Variants in DNER observed in about 807,000 individuals in gnomAD.
DNER encodes delta and Notch-like epidermal growth factor-related receptor.
DNER carries 33 observed loss-of-function variants against 78.2 expected under a neutral mutation model. The observed-to-expected ratio is 0.42, with a 90% CI of 0.32 to 0.56. The LOEUF is 0.56. DNER is among the 20% of genes least tolerant of loss of function. DNER has a pLI of 0.11. For synonymous variants in DNER, 417 were observed against 384.8 expected, an observed-to-expected ratio of 1.08 and a Z score of -0.98; for missense variants, 918 against 975.3, an observed-to-expected ratio of 0.94 and a Z score of 0.78.
intron 4 of DNER, among the ~76,000 whole-genome samples, chr2:229,581,237 T>C (rs1697391302): frequency 6.6e-6 from 1 of 152,124 alleles, no homozygotes; most frequent in Admixed American, 6.5e-5. Flanking sequence ...AACAGCAAGT[T>C]TAAAGATACA....
At chr2:229,488,278 G>A (rs966365038) in intron 6 of DNER, among the ~76,000 whole-genome samples, 6 of 152,350 alleles carry the variant, frequency 3.9e-5, no homozygotes, top group South Asian at 4.1e-4. Flanking sequence ...ATGGCTTACC[G>A]ATTCTGTGCC....
rs142506137 is a variant in DNER at position 229,458,032 on chromosome 2, C to T, written c.1262-10492G>A. ...GCACCTGTAATCCCAGCTACTGGGGCGGCTAAGGCAGGAGAATCGCTTAAA... is the reference window on the plus strand; with the variant it reads ...GCACCTGTAATCCCAGCTACTGGGGTGGCTAAGGCAGGAGAATCGCTTAAA... On this transcript the variant is annotated intron_variant, in intron 7 of 12. Coordinates refer to ENST00000341772, the MANE Select transcript of DNER (RefSeq NM_139072.4). Among the ~76,000 whole-genome samples the T allele has an allele frequency of 3.0e-3, 420 of 141,260 alleles. 10 individuals carry two copies. The East Asian group carries it at 0.063, about 21-fold the overall frequency. The allele number at this position is 141,260 out of a possible 152,430, so 92.7% of individuals were successfully genotyped here.
At chr2:229,458,420 C>G (rs1030468387) in intron 7 of DNER, among the ~76,000 whole-genome samples, 1 of 151,758 alleles carries the variant, frequency 6.6e-6, no homozygotes, top group Non-Finnish European at 1.5e-5. Context: ...AGAGAAGAAG[C>G]CCTTTCTTAG....
intron 10 of DNER, among the ~76,000 whole-genome samples, chr2:229,396,628 G>C (rs905995973): frequency 6.6e-6 from 1 of 152,208 alleles, no homozygotes; most frequent in Non-Finnish European, 1.5e-5. Context: ...AACTCTGGGG[G>C]AGATGGTTCA....
At chr2:229,408,440 C>T (rs1693438368) in intron 9 of DNER, among the ~76,000 whole-genome samples, 1 of 152,158 alleles carries the variant, frequency 6.6e-6, no homozygotes, top group African/African-American at 2.4e-5. Flanking sequence ...CTCTCCCTTC[C>T]CCTATCCCCA....
intron 8 of DNER, 130 bp from the exon 9 acceptor site, chr2:229,418,360 C>T (rs1574834640): frequency 7.8e-7 from 1 of 1,284,626 alleles, no homozygotes; most frequent in Admixed American, 2.4e-5. Context: ...ATTTCAGGAG[C>T]TAGATCTCTT....
In DNER at chr2:229,627,139, C is replaced by T. The variant is rs1296501794; in HGVS notation, c.277-35251G>A. ...TCAACTTGTACTTCTAGTCCCCTTCCAATTAGCCACCAGAAACAATATCTA... is the reference window on the plus strand; with the variant it reads ...TCAACTTGTACTTCTAGTCCCCTTCTAATTAGCCACCAGAAACAATATCTA... On this transcript the variant is annotated intron_variant, in intron 1 of 12. Transcript: ENST00000341772. Among the ~76,000 whole-genome samples the T allele has an allele frequency of 1.6e-4, 25 of 152,150 alleles. 1 individual carries two copies.
intron 1 of DNER, among the ~76,000 whole-genome samples, chr2:229,693,968 G>A (rs1356433821): frequency 6.6e-6 from 1 of 152,200 alleles, no homozygotes; most frequent in Admixed American, 6.5e-5. Context: ...TCACAGGCCT[G>A]GAGGCCTAGG....
chr2:229,363,753 G>T (rs1046755857), intron 12 of DNER, among the ~76,000 whole-genome samples: 13 of 152,228 alleles, frequency 8.5e-5, no homozygotes, highest in East Asian at 7.8e-4. Context: ...TGAGCAGAAG[G>T]CTCAGCAGAA....
chr2:229,687,263 C>CT (rs555202828), intron 1 of DNER, among the ~76,000 whole-genome samples: 25,216 of 127,718 alleles, frequency 0.2, 2,977 homozygotes, highest in East Asian at 0.36. Context: ...TTTCCAACTT[C>CT]TTTTTTTTTT....
intron 10 of DNER, among the ~76,000 whole-genome samples, chr2:229,405,011 A>G (rs1020516099): frequency 1.3e-5 from 2 of 152,216 alleles, no homozygotes; most frequent in African/African-American, 2.4e-5. Flanking sequence ...AATATGTGTA[A>G]CCTATGGCAG....
intron 7 of DNER, among the ~76,000 whole-genome samples, chr2:229,466,200 G>A (rs1372629454): frequency 6.6e-6 from 1 of 151,906 alleles, no homozygotes; most frequent in Non-Finnish European, 1.5e-5. Flanking sequence ...AATCCACTTA[G>A]CCCACTGCTT....
intron 11 of DNER, among the ~76,000 whole-genome samples, chr2:229,385,851 C>A (rs970009068): frequency 6.6e-6 from 1 of 152,130 alleles, no homozygotes; most frequent in Non-Finnish European, 1.5e-5. Context: ...ACATTTCATG[C>A]TCATGGATAG....
intron 1 of DNER, among the ~76,000 whole-genome samples, chr2:229,671,293 C>T (rs1343868083): frequency 1.3e-5 from 2 of 152,168 alleles, no homozygotes; most frequent in African/African-American, 2.4e-5. Flanking sequence ...ACTCGGCTTT[C>T]CCTTGGACAC....
intron 7 of DNER, among the ~76,000 whole-genome samples, chr2:229,468,680 T>C (rs2017940): frequency 0.71 from 107,904 of 152,054 alleles, 38,588 homozygotes; most frequent in South Asian, 0.83. Context: ...TCCTGTCTCC[T>C]GCACAGCCAG....
intron 11 of DNER, among the ~76,000 whole-genome samples, chr2:229,375,295 T>A (rs1692572711): frequency 6.6e-6 from 1 of 152,198 alleles, no homozygotes; most frequent in East Asian, 1.9e-4. Flanking sequence ...TGAACAATAT[T>A]GGTTACATTT....
At chr2:229,612,470 G>C (rs1165706028) in intron 1 of DNER, among the ~76,000 whole-genome samples, 1 of 152,254 alleles carries the variant, frequency 6.6e-6, no homozygotes, top group Non-Finnish European at 1.5e-5. Flanking sequence ...GATGCCTCAG[G>C]TGAGGGAGAA....
chr2:229,611,192 G>A (rs974552173), intron 1 of DNER, among the ~76,000 whole-genome samples: 2 of 152,226 alleles, frequency 1.3e-5, no homozygotes, highest in African/African-American at 4.8e-5. Flanking sequence ...TAAAGTAAAT[G>A]TATTTTTTTC....
chr2:229,709,414 T>A (rs1699878281), intron 1 of DNER, among the ~76,000 whole-genome samples: 1 of 152,172 alleles, frequency 6.6e-6, no homozygotes, highest in Non-Finnish European at 1.5e-5. Context: ...AAAGAAGCAA[T>A]GTCTCTTTAC....
Sources: gnomAD v4.1 joint callset for allele counts (sites outside exome capture counted in the v4.1 genomes callset) on GRCh38, gnomAD v4.1.1 for gene constraint, MANE v1.5 for transcripts, NCBI Gene and HGNC (gene_info 2026-07-23, HGNC 2026-07-21) for gene names.